SBF2: variants seen among roughly 807,000 people sequenced by gnomAD.
SBF2 encodes the protein myotubularin-related protein 13.
A neutral mutation model predicts 225.2 loss-of-function variants in SBF2; 112 were observed. The observed-to-expected ratio is 0.50, with a 90% CI of 0.43 to 0.58. SBF2 has a LOEUF of 0.58. Among genes scored for constraint, SBF2 ranks in the 20% least tolerant of loss-of-function variants. The pLI, the probability that SBF2 is intolerant of heterozygous loss-of-function variation, is 0.00. For missense variants in SBF2, 1,996 were observed against 2,206.2 expected (o/e 0.90, Z 1.91); for synonymous variants, 763 against 773.3 (o/e 0.99, Z 0.22).
intron 2 of SBF2, among the ~76,000 whole-genome samples, chr11:10,105,522 G>A (rs1952508760): frequency 6.6e-6 from 1 of 152,094 alleles, no homozygotes; most frequent in African/African-American, 2.4e-5. Context: ...ATGTAAACAT[G>A]GTATCACTAC....
At chr11:9,941,598 A>T in intron 16 of SBF2, among the ~76,000 whole-genome samples, 1 of 152,236 alleles carries the variant, frequency 6.6e-6, no homozygotes, top group Non-Finnish European at 1.5e-5. Flanking sequence ...TACAAAAAGC[A>T]TTTCATAAAA....
chr11:10,115,806 C>T (rs1447654900), intron 2 of SBF2, among the ~76,000 whole-genome samples: 1 of 152,126 alleles, frequency 6.6e-6, no homozygotes, highest in African/African-American at 2.4e-5. Flanking sequence ...TCAAAGGAAA[C>T]TTTCTGATGA....
rs1001294143 is a variant in SBF2 at position 9,998,291 on chromosome 11, T to C, written c.950A>G (p.His317Arg). The change falls in exon 9 of 40, where the codon CAT becomes CGT. Residue 317 changes from histidine to arginine, a missense_variant. His to Arg is a conservative substitution (Grantham distance 29, BLOSUM62 0). Transcript: ENST00000256190. Reference sequence around the variant, plus strand: ...CAAAGAAAGAGCTGATTGAGTCTGATGTAGAAGTGGTTCTGGGAGGGAAGA... The same window carrying C: ...CAAAGAAAGAGCTGATTGAGTCTGACGTAGAAGTGGTTCTGGGAGGGAAGA... The part of the protein sequence containing the change: ...HLSSLPEPLL[H>R]QTQSALSLIL... 6.3e-7 allele frequency: 1 copy of C among 1,599,280 alleles called. No homozygotes were observed. The highest frequency in any genetic ancestry group is 8.6e-7 in the Non-Finnish European group (1 of 1,166,738).
chr11:10,070,861 G>A (rs1950838763), intron 2 of SBF2, among the ~76,000 whole-genome samples: 1 of 151,958 alleles, frequency 6.6e-6, no homozygotes. Context: ...AGTTCTCCCT[G>A]AAGAAGTCCT....
chr11:10,228,346 T>G (rs948966304), intron 1 of SBF2, among the ~76,000 whole-genome samples: 1 of 152,206 alleles, frequency 6.6e-6, no homozygotes, highest in Non-Finnish European at 1.5e-5. Context: ...TGGCCAGAAC[T>G]TCCAACACTA....
At chr11:10,279,052 C>T (rs1316617485) in intron 1 of SBF2, among the ~76,000 whole-genome samples, 5 of 145,168 alleles carry the variant, frequency 3.4e-5, no homozygotes, top group African/African-American at 5.1e-5. Flanking sequence ...GAGCTATGAT[C>T]GCACTTCTGC....
Position 9,842,716 on chromosome 11 carries a change from A to C in SBF2, c.3165T>G (p.Ile1055Met). The C allele has an allele frequency of 6.2e-7, 1 of 1,614,162 alleles. No homozygotes were observed. Among genetic ancestry groups the C allele is most frequent in the Non-Finnish European group, 8.5e-7 (1 of 1,180,012 alleles). Reference sequence around the variant, plus strand: ...TCTTCTTCAGTAAATATTGCCGCCCAATTGTCATTTTCCCTGCCCTTTTGG... The same window carrying C: ...TCTTCTTCAGTAAATATTGCCGCCCCATTGTCATTTTCCCTGCCCTTTTGG... ...KGAKRAGKMTIGRQYLLKKKT... is the reference protein window; with the variant it reads ...KGAKRAGKMTMGRQYLLKKKT... Residue 1055 changes from isoleucine (I) to methionine (M), a missense_variant, in exon 25 of 40, where the codon ATT becomes ATG. Physicochemically the swap from Ile to Met is conservative, Grantham distance 10. Transcript: ENST00000256190.
At chr11:10,115,669 T>C (rs1297900465) in intron 2 of SBF2, among the ~76,000 whole-genome samples, 3 of 152,204 alleles carry the variant, frequency 2.0e-5, no homozygotes, top group African/African-American at 4.8e-5. Context: ...ATAACACTAA[T>C]TGGCACTCCT....
In SBF2 at chr11:9,780,288, G is replaced by T. The variant is rs1358419328; in HGVS notation, c.*130C>A. The T allele has an allele frequency of 8.9e-6, 7 of 783,362 alleles. No individual in the cohort carries two copies. The East Asian group carries it at 1.9e-4, about 21-fold the overall frequency. 48.5% of individuals were successfully genotyped at this position (783,362 alleles called of 1,614,324 possible). ...AGTAGATATAGCAACCCCTGCAAGA[G>T]GGGACTGGGCAGGAGAACCTCAGGC... On this transcript the variant is annotated 3_prime_UTR_variant, in exon 40 of 40. Transcript: ENST00000256190.
intron 2 of SBF2, among the ~76,000 whole-genome samples, chr11:10,140,273 G>A (rs1317108461): frequency 6.6e-6 from 1 of 152,168 alleles, no homozygotes; most frequent in Non-Finnish European, 1.5e-5. Context: ...GTTGGGGAAT[G>A]GCTTCCAGGG....
At chr11:10,204,555 C>T (rs1037338048) in intron 1 of SBF2, among the ~76,000 whole-genome samples, 5 of 81,276 alleles carry the variant, frequency 6.2e-5, no homozygotes, top group Admixed American at 1.2e-4. Context: ...AGGAGAATGG[C>T]GTGGAGGCAG....
chr11:9,978,783 C>T (rs918801471), intron 13 of SBF2, among the ~76,000 whole-genome samples: 4 of 152,074 alleles, frequency 2.6e-5, no homozygotes, highest in African/African-American at 9.7e-5. Context: ...ATCCCTTGAG[C>T]CCAGGAGTTC....
intron 2 of SBF2, among the ~76,000 whole-genome samples, chr11:10,182,445 C>A (rs1021679288): frequency 7.2e-5 from 11 of 152,174 alleles, no homozygotes; most frequent in Non-Finnish European, 1.5e-4. Flanking sequence ...TTCTTTCTTG[C>A]ATATCACAAA....
intron 27 of SBF2, among the ~76,000 whole-genome samples, chr11:9,830,096 G>A (rs371277165): frequency 6.6e-6 from 1 of 152,188 alleles, no homozygotes; most frequent in South Asian, 2.1e-4. Flanking sequence ...TAAATGAGGA[G>A]CAAAAAGTAT....
chr11:10,044,054 G>T (rs1051273631), intron 2 of SBF2, among the ~76,000 whole-genome samples: 10 of 152,118 alleles, frequency 6.6e-5, no homozygotes, highest in Non-Finnish European at 1.5e-4. Context: ...AAGATCTAAA[G>T]TCAGTAAACT....
chr11:10,291,237 G>A (rs192361304), intron 1 of SBF2, among the ~76,000 whole-genome samples: 11 of 152,278 alleles, frequency 7.2e-5, no homozygotes, highest in Admixed American at 3.3e-4. Flanking sequence ...AAGTGATCAG[G>A]TCATGGTGGT....
intron 1 of SBF2, among the ~76,000 whole-genome samples, chr11:10,301,240 G>T (rs1283384507): frequency 6.6e-6 from 1 of 152,124 alleles, no homozygotes; most frequent in African/African-American, 2.4e-5. Context: ...TTTAAACTTG[G>T]TCAACCTCCC....
intron 17 of SBF2, among the ~76,000 whole-genome samples, chr11:9,865,074 CTAAT>C (rs1858079855): frequency 6.6e-6 from 1 of 152,070 alleles, no homozygotes; most frequent in African/African-American, 2.4e-5. Flanking sequence ...CCATGCCTGG[CTAAT>C]TATTAAACAA....
At chr11:10,263,109 T>C (rs114688574) in intron 1 of SBF2, among the ~76,000 whole-genome samples, 3 of 152,204 alleles carry the variant, frequency 2.0e-5, no homozygotes, top group African/African-American at 4.8e-5. Flanking sequence ...ATCTCCTCCT[T>C]ATAGATACCT....
Sources: gnomAD v4.1 joint callset for allele counts (sites outside exome capture counted in the v4.1 genomes callset) on GRCh38, gnomAD v4.1.1 for gene constraint, MANE v1.5 for transcripts, NCBI Gene and HGNC (gene_info 2026-07-23, HGNC 2026-07-21) for gene names.